BMAL1: variants seen among roughly 807,000 people sequenced by gnomAD.
The protein encoded by BMAL1 is basic helix-loop-helix ARNT like 1.
the BMAL1 span, among the ~76,000 whole-genome samples, chr11:13,298,252 G>A: frequency 3.3e-5 from 5 of 152,162 alleles, no homozygotes; most frequent in Admixed American, 1.3e-4. Flanking sequence ...AGTGGAATCC[G>A]TGTTGTTCTT....
chr11:13,323,959 T>C, the BMAL1 span, among the ~76,000 whole-genome samples: 153 of 152,216 alleles, frequency 1.0e-3, no homozygotes, highest in Non-Finnish European at 1.9e-3. Context: ...TGTACATATT[T>C]ATGGGGTACA....
chr11:13,284,172 ATATAT>A, the BMAL1 span, among the ~76,000 whole-genome samples: 1 of 37,046 alleles, frequency 2.7e-5, no homozygotes. Flanking sequence ...GTGTATATAT[ATATAT>A]GTGTATATAT....
chr11:13,340,506 T>A, the BMAL1 span, among the ~76,000 whole-genome samples: 1 of 152,228 alleles, frequency 6.6e-6, no homozygotes, highest in African/African-American at 2.4e-5. Flanking sequence ...ACAAAGCGGT[T>A]GGACTCTTAA....
At chr11:13,382,035 A>G in the BMAL1 span, among the ~76,000 whole-genome samples, 2 of 152,166 alleles carry the variant, frequency 1.3e-5, no homozygotes, top group African/African-American at 2.4e-5. Context: ...GGCACAAACC[A>G]TCAAAAGCAG....
At chr11:13,314,722 T>C in the BMAL1 span, among the ~76,000 whole-genome samples, 2 of 152,234 alleles carry the variant, frequency 1.3e-5, no homozygotes, top group Non-Finnish European at 2.9e-5. Context: ...TGCGAACTAC[T>C]GTCTGACAGC....
the BMAL1 span, among the ~76,000 whole-genome samples, chr11:13,377,921 G>T: frequency 6.6e-6 from 1 of 152,148 alleles, no homozygotes; most frequent in African/African-American, 2.4e-5. Flanking sequence ...GCTGCACCTG[G>T]CCCCAGATGA....
the BMAL1 span, among the ~76,000 whole-genome samples, chr11:13,361,675 TAG>T: frequency 6.6e-6 from 1 of 152,196 alleles, no homozygotes; most frequent in Non-Finnish European, 1.5e-5. Context: ...GATGAATAAA[TAG>T]AGTTTAATTT....
At chr11:13,337,803 A>ATTTTGTTTTG in the BMAL1 span, among the ~76,000 whole-genome samples, 2 of 151,802 alleles carry the variant, frequency 1.3e-5, no homozygotes, top group African/African-American at 4.8e-5. Flanking sequence ...TTTATAAGAG[A>ATTTTGTTTTG]TTTTGTTTTG....
the BMAL1 span, among the ~76,000 whole-genome samples, chr11:13,283,631 G>A: frequency 5.9e-5 from 9 of 152,192 alleles, no homozygotes; most frequent in South Asian, 8.3e-4. Flanking sequence ...TCACTCAGCC[G>A]CACCATGCCA....
At chr11:13,362,283 C>T in the BMAL1 span, among the ~76,000 whole-genome samples, 3 of 152,288 alleles carry the variant, frequency 2.0e-5, no homozygotes, top group East Asian at 5.8e-4. Flanking sequence ...AGTACTGCCT[C>T]CTCCCCCTTC....
the BMAL1 span, among the ~76,000 whole-genome samples, chr11:13,316,916 C>A: frequency 1.3e-5 from 2 of 152,160 alleles, no homozygotes. Flanking sequence ...TTTGGAGGCC[C>A]ACCTGCTTCA....
the BMAL1 span, among the ~76,000 whole-genome samples, chr11:13,351,647 A>G: frequency 2.0e-5 from 3 of 152,170 alleles, no homozygotes; most frequent in African/African-American, 7.2e-5. Context: ...GGAGCCAGCT[A>G]AAGAGAGCAA....
chr11:13,304,582 G>A, the BMAL1 span, among the ~76,000 whole-genome samples: 5 of 152,304 alleles, frequency 3.3e-5, no homozygotes, highest in East Asian at 3.9e-4. Flanking sequence ...TTTCAGACAT[G>A]GAGAGGGCAC....
chr11:13,364,610 A>T, the BMAL1 span, among the ~76,000 whole-genome samples: 1 of 152,156 alleles, frequency 6.6e-6, no homozygotes, highest in Non-Finnish European at 1.5e-5. Flanking sequence ...TGTCACCGGA[A>T]GACCCCAGCA....
At chr11:13,297,107 A>G in the BMAL1 span, among the ~76,000 whole-genome samples, 1 of 152,202 alleles carries the variant, frequency 6.6e-6, no homozygotes, top group East Asian at 1.9e-4. Context: ...AAGCAATTTT[A>G]TTAAAAAAAT....
At chr11:13,355,503 G>A in the BMAL1 span, among the ~76,000 whole-genome samples, 2 of 152,174 alleles carry the variant, frequency 1.3e-5, no homozygotes, top group Non-Finnish European at 2.9e-5. Flanking sequence ...GTTCCAGCCT[G>A]GTCACCACCC....
At chr11:13,363,194 G>C in the BMAL1 span, among the ~76,000 whole-genome samples, 1 of 141,594 alleles carries the variant, frequency 7.1e-6, no homozygotes, top group East Asian at 2.0e-4. Flanking sequence ...GCAGAGTCCT[G>C]TGGATGGACA....
chr11:13,320,402 T>G, the BMAL1 span, among the ~76,000 whole-genome samples: 9 of 152,168 alleles, frequency 5.9e-5, no homozygotes, highest in Non-Finnish European at 1.0e-4. Flanking sequence ...ATCAGACCCA[T>G]GCTGGGCAGT....
the BMAL1 span, among the ~76,000 whole-genome samples, chr11:13,302,055 A>G: frequency 1.3e-5 from 2 of 152,176 alleles, no homozygotes; most frequent in Admixed American, 1.3e-4. Context: ...ATCAACATTC[A>G]GGAATGCAGA....
Sources: gnomAD v4.1 joint callset for allele counts (sites outside exome capture counted in the v4.1 genomes callset) on GRCh38, gnomAD v4.1.1 for gene constraint, MANE v1.5 for transcripts, NCBI Gene and HGNC (gene_info 2026-07-23, HGNC 2026-07-21) for gene names.